MAPK9: variants seen among roughly 807,000 people sequenced by gnomAD.
The protein encoded by MAPK9 is mitogen-activated protein kinase 9.
MAPK9 carries 30 observed loss-of-function variants against 57.1 expected under a neutral mutation model. The observed-to-expected ratio is 0.53, with a 90% confidence interval of 0.39 to 0.71. The LOEUF (loss-of-function observed/expected upper bound fraction) is 0.71. Among genes scored for constraint, MAPK9 ranks in the 30% least tolerant of loss-of-function variants. MAPK9 has a pLI of 0.00. For missense variants in MAPK9, 362 were observed against 521.0 expected, an observed-to-expected ratio of 0.69 and a Z score of 2.97; for synonymous variants, 155 against 177.0, an observed-to-expected ratio of 0.88 and a Z score of 0.99.
chr5:180,248,920 C>T (rs1333851253), intron 6 of MAPK9, 53 bp downstream of exon 6: 8 of 1,538,682 alleles, frequency 5.2e-6, no homozygotes, highest in African/African-American at 1.4e-5. Flanking sequence ...TCGAGACCAC[C>T]GCTAGAGCAA....
chr5:180,266,097 A>T (rs897764257), intron 3 of MAPK9, among the ~76,000 whole-genome samples: 10 of 148,880 alleles, frequency 6.7e-5, no homozygotes, highest in South Asian at 2.1e-4. Flanking sequence ...TTTAATATTT[A>T]AAAAAAAAAC....
intron 6 of MAPK9, among the ~76,000 whole-genome samples, chr5:180,248,633 G>A (rs1758363339): frequency 6.6e-6 from 1 of 152,216 alleles, no homozygotes; most frequent in South Asian, 2.1e-4. Context: ...CTCGTGGGCT[G>A]CGAGGAGGGG....
chr5:180,265,941 C>T (rs1466263981), intron 3 of MAPK9, among the ~76,000 whole-genome samples: 1 of 151,752 alleles, frequency 6.6e-6, no homozygotes, highest in Non-Finnish European at 1.5e-5. Context: ...TTATATAATC[C>T]TAGCGTAGAA....
chr5:180,285,276 C>G (rs1405934671), intron 1 of MAPK9, among the ~76,000 whole-genome samples: 2 of 152,188 alleles, frequency 1.3e-5, no homozygotes, highest in Non-Finnish European at 2.9e-5. Flanking sequence ...CAGCATGGCT[C>G]AGATTTGAAT....
At chr5:180,253,342 C>T (rs532325199) in intron 5 of MAPK9, among the ~76,000 whole-genome samples, 35 of 152,334 alleles carry the variant, frequency 2.3e-4, no homozygotes, top group South Asian at 1.7e-3. Context: ...ATGCGGAAGC[C>T]GCCCACGAAA....
chr5:180,273,414 G>A (rs1216770381), intron 2 of MAPK9, among the ~76,000 whole-genome samples: 1 of 151,696 alleles, frequency 6.6e-6, no homozygotes, highest in Non-Finnish European at 1.5e-5. Context: ...GTGGAGATGG[G>A]GGGAGTCTCA....
At chr5:180,265,577 C>CGG (rs1760449520) in intron 3 of MAPK9, among the ~76,000 whole-genome samples, 1 of 152,224 alleles carries the variant, frequency 6.6e-6, no homozygotes, top group Non-Finnish European at 1.5e-5. Flanking sequence ...GCCATGATTG[C>CGG]AAGTTTCCTG....
At chr5:180,289,591 T>TA (rs1457128301) in intron 1 of MAPK9, among the ~76,000 whole-genome samples, 2 of 152,086 alleles carry the variant, frequency 1.3e-5, no homozygotes, top group Non-Finnish European at 2.9e-5. Flanking sequence ...ACAGACTACT[T>TA]AGACTCCTGA....
At chr5:180,265,228 G>C (rs1760404069) in intron 3 of MAPK9, among the ~76,000 whole-genome samples, 1 of 152,194 alleles carries the variant, frequency 6.6e-6, no homozygotes, top group South Asian at 2.1e-4. Context: ...TTTTTGGTGT[G>C]ATAAAGTGAA....
rs79437538 is a variant in MAPK9, at chr5:180,253,078, C to T, written c.451-3940G>A. ...TGGCCCAGTGTGGTGTCTGCACCTACCCTCTGTCCCTGCCAGGGCACACCT... is the reference window on the plus strand; with the variant it reads ...TGGCCCAGTGTGGTGTCTGCACCTATCCTCTGTCCCTGCCAGGGCACACCT... On this transcript the variant is annotated intron_variant, in intron 5 of 11. Coordinates refer to ENST00000452135, the MANE Select transcript of MAPK9 (RefSeq NM_002752.5). Among the ~76,000 whole-genome samples the T allele has an allele frequency of 6.8e-4, 103 of 152,326 alleles. No homozygotes were observed. In the East Asian group the frequency reaches 0.012, roughly 17 times the overall value.
Position 180,247,366 on chromosome 5 carries a change from C to T in MAPK9, c.688+73G>A, listed in dbSNP as rs140536742. On this transcript the variant is annotated intron_variant, in intron 7 of 11. Coordinates refer to ENST00000452135, the MANE Select transcript of MAPK9 (RefSeq NM_002752.5). The surrounding 1 kb of genome is among the most constrained non-coding windows in gnomAD (Gnocchi z 4.5). ...TTACGACTTTGTCCTCGTGAGCGCTCGTGTAAGCAGGTGGTCATGCTGCCT... is the reference window on the plus strand; with the variant it reads ...TTACGACTTTGTCCTCGTGAGCGCTTGTGTAAGCAGGTGGTCATGCTGCCT... The T allele has an allele frequency of 5.4e-5, 85 of 1,570,820 alleles. No individual in the cohort carries two copies. Among genetic ancestry groups the T allele is most frequent in the Non-Finnish European group, 6.9e-5 (79 of 1,140,826 alleles).
rs146624045 is a variant in MAPK9, at chr5:180,264,468, C to T, written c.311+313G>A. On this transcript the variant is annotated intron_variant, in intron 4 of 11. Transcript: ENST00000452135. Reference sequence around the variant, plus strand: ...AGTAATACTCATAAACTCCTGAACCCTAAAATCCTGGCTATCAGGGATTTG... The same window carrying T: ...AGTAATACTCATAAACTCCTGAACCTTAAAATCCTGGCTATCAGGGATTTG... Among the ~76,000 whole-genome samples the T allele has an allele frequency of 1.6e-3, 248 of 152,296 alleles. 1 individual carries two copies. The highest frequency in any genetic ancestry group is 5.8e-3 in the African/African-American group (241 of 41,574).
Position 180,269,426 on chromosome 5 carries a change from T to C in MAPK9, c.123-17A>G, listed in dbSNP as rs989367822. On this transcript the variant is annotated splice_polypyrimidine_tract_variant and intron_variant, in intron 2 of 11. Transcript: ENST00000452135. ...AATGCAGCACTAGAATTAGGAAATATAATGCACAATCCATTAGAACGGTTT... is the reference window on the plus strand; with the variant it reads ...AATGCAGCACTAGAATTAGGAAATACAATGCACAATCCATTAGAACGGTTT... 5.0e-6 allele frequency: 8 copies of C among 1,611,574 alleles called. No individual in the cohort carries two copies. Among genetic ancestry groups the C allele is most frequent in the East Asian group, 2.2e-5 (1 of 44,808 alleles).
Position 180,236,276 on chromosome 5 carries a change from C to A in MAPK9, c.*108G>T. ...GTAGGGCAAGGCATTGTGTTTCTTA[C>A]ATGCAGAACATGGAGTTTTTCTATT... On this transcript the variant is annotated 3_prime_UTR_variant, in exon 12 of 12. Coordinates refer to ENST00000452135, the MANE Select transcript of MAPK9 (RefSeq NM_002752.5). The A allele has an allele frequency of 8.1e-7, 1 of 1,237,724 alleles. No individual in the cohort carries two copies. Among genetic ancestry groups the A allele is most frequent in the African/African-American group, 1.5e-5 (1 of 66,248 alleles). The allele number at this position is 1,237,724 out of a possible 1,614,324, so 76.7% of individuals were successfully genotyped here. A position where few individuals can be genotyped will look rare whatever the true frequency, so the allele number is the denominator to read the frequency against.
intron 1 of MAPK9, among the ~76,000 whole-genome samples, chr5:180,283,197 G>A (rs560996231): frequency 2.6e-5 from 4 of 152,188 alleles, no homozygotes; most frequent in South Asian, 4.2e-4. Flanking sequence ...TAGAGACGAC[G>A]CCTGGCAGCT....
chr5:180,241,306 T>A (rs1001722528), intron 8 of MAPK9, 151 bp from the exon 9 acceptor site: 640 of 519,104 alleles, frequency 1.2e-3, no homozygotes, highest in East Asian at 9.2e-3. Flanking sequence ...AACCCAAAAT[T>A]TTTTTTTTTT....
At position 180,236,244 on chromosome 5, in the gene MAPK9, G is replaced by T; in HGVS notation, c.*140C>A. 2 of 894,738 alleles carry T rather than the reference G, an allele frequency of 2.2e-6. No individual in the cohort carries two copies. The highest frequency in any genetic ancestry group is 3.2e-6 in the Non-Finnish European group (2 of 634,690). 55.4% of individuals were successfully genotyped at this position (894,738 alleles called of 1,614,324 possible). ...ATCATCTAAGCAGGCAATCCTATCA[G>T]GTCTGAGTAGGGCAAGGCATTGTGT... On this transcript the variant is annotated 3_prime_UTR_variant, in exon 12 of 12. Coordinates refer to ENST00000452135, the MANE Select transcript of MAPK9 (RefSeq NM_002752.5).
At chr5:180,253,636 C>A (rs1429028918) in intron 5 of MAPK9, 1 of 152,258 alleles carries the variant, frequency 6.6e-6, no homozygotes, top group East Asian at 1.9e-4. Flanking sequence ...AAACTGATGC[C>A]CAGCTTCCAG....
intron 6 of MAPK9, among the ~76,000 whole-genome samples, chr5:180,248,161 A>T (rs1758308976): frequency 6.6e-6 from 1 of 152,226 alleles, no homozygotes; most frequent in African/African-American, 2.4e-5. Context: ...GCCCTGCTAG[A>T]GGGGCCCAGA....
Sources: gnomAD v4.1 joint callset for allele counts (sites outside exome capture counted in the v4.1 genomes callset) on GRCh38, gnomAD v4.1.1 for gene constraint, Gnocchi (gnomAD v3.1) non-coding constraint, MANE v1.5 for transcripts, NCBI Gene and HGNC (gene_info 2026-07-23, HGNC 2026-07-21) for gene names.